Variants in MCM2 observed in about 807,000 individuals in gnomAD.
The protein encoded by MCM2 is minichromosome maintenance complex component 2.
Under a neutral mutation model 86.4 loss-of-function variants are expected in MCM2, and 49 were observed. The ratio of observed to expected loss-of-function variants is 0.57; its 90% CI spans 0.45 to 0.72. MCM2 has a LOEUF of 0.72. Ranked by LOEUF, MCM2 falls within the 30% of genes least tolerant of loss-of-function variation. The pLI, the probability that MCM2 is intolerant of heterozygous loss-of-function variation, is 0.00. For missense variants in MCM2, 1,038 were observed against 1,259.9 expected (o/e 0.82, Z 2.67); for synonymous variants, 475 against 484.6 (o/e 0.98, Z 0.26).
At chr3:127,613,133 G>A (rs940540697) in intron 8 of MCM2, among the ~76,000 whole-genome samples, 24 of 152,218 alleles carry the variant, frequency 1.6e-4, no homozygotes, top group African/African-American at 5.5e-4. Context: ...CCTGGATGCA[G>A]TGGTTGCTTT....
chr3:127,614,217 GTTT>G (rs1166193122), intron 8 of MCM2, among the ~76,000 whole-genome samples: 1 of 152,012 alleles, frequency 6.6e-6, no homozygotes, highest in Non-Finnish European at 1.5e-5. Context: ...CAGGCATGCC[GTTT>G]TTTTCTGTAA....
chr3:127,619,086 G>C lies in MCM2; in HGVS notation c.2073G>C (p.Lys691Asn). Reference protein sequence around the residue: ...GSHVRHHPSNKEEEGLANGSA... With the variant: ...GSHVRHHPSNNEEEGLANGSA... ...ACGTCAGACACCACCCCAGCAACAA[G>C]GAGGAGGAGGGGCTGGCCAATGGCA... The change falls in exon 13 of 16, where the codon AAG becomes AAC. Residue 691 changes from lysine (K) to asparagine (N), a missense_variant. Transcript: ENST00000265056. The C allele has an allele frequency of 1.2e-6, 2 of 1,611,916 alleles. No homozygotes were observed. The highest frequency in any genetic ancestry group is 2.7e-5 in the African/African-American group (2 of 75,010).
chr3:127,604,059 A>G (rs9877390), intron 2 of MCM2, among the ~76,000 whole-genome samples: 4,488 of 152,252 alleles, frequency 0.029, 235 homozygotes, highest in African/African-American at 0.095. Flanking sequence ...AAAGTGCTGG[A>G]ATTATAGGCA....
chr3:127,609,023 G>A lies in MCM2; in HGVS notation c.1428G>A (p.Lys476=). 1 of 1,613,736 alleles carries A rather than the reference G, an allele frequency of 6.2e-7. No individual in the cohort carries two copies. Among genetic ancestry groups the A allele is most frequent in the Non-Finnish European group, 8.5e-7 (1 of 1,179,964 alleles). ...SLSKDQQIGE[K]IFASIAPSIY... Reference sequence around the variant, plus strand: ...CCAAGGATCAGCAGATCGGAGAGAAGGTAGGTGGAAGGCAGGGGCAGGGGC... The same window carrying A: ...CCAAGGATCAGCAGATCGGAGAGAAAGTAGGTGGAAGGCAGGGGCAGGGGC... Residue 476 remains lysine, a splice_region_variant and synonymous_variant, in exon 8 of 16, where the codon AAG becomes AAA. Coordinates refer to ENST00000265056, the MANE Select transcript of MCM2 (RefSeq NM_004526.4).
In MCM2 at chr3:127,617,507, AG is replaced by A; in HGVS notation, c.1900+103del. On this transcript the variant is annotated intron_variant, in intron 11 of 15. Coordinates refer to ENST00000265056, the MANE Select transcript of MCM2 (RefSeq NM_004526.4). The surrounding 1 kb of genome is among the most constrained non-coding windows in gnomAD (Gnocchi z 4.1). ...GGGTCCCCAGGAGCCGATCTGAGGAAGTCATTGTGCAGCAGAGGGTTCCCCT... is the reference window on the plus strand; with the variant it reads ...GGGTCCCCAGGAGCCGATCTGAGGAATCATTGTGCAGCAGAGGGTTCCCCT... The A allele has an allele frequency of 7.1e-7, 1 of 1,412,300 alleles. No homozygotes were observed. 87.5% of individuals were successfully genotyped at this position (1,412,300 alleles called of 1,614,324 possible). A position where few individuals can be genotyped will look rare whatever the true frequency, so the allele number is the denominator to read the frequency against.
At chr3:127,619,818 A>G (rs1021407580) in intron 13 of MCM2, among the ~76,000 whole-genome samples, 1 of 152,122 alleles carries the variant, frequency 6.6e-6, no homozygotes, top group African/African-American at 2.4e-5. Flanking sequence ...TTTCTCTACA[A>G]AAAATGTTTT....
At chr3:127,603,652 A>G (rs2074322296) in intron 2 of MCM2, among the ~76,000 whole-genome samples, 1 of 142,498 alleles carries the variant, frequency 7.0e-6, no homozygotes, top group African/African-American at 2.6e-5. Flanking sequence ...GGCCTGGGTT[A>G]TTTTTTTTTT....
chr3:127,617,765 A>G lies in MCM2; in HGVS notation c.1901-204A>G. On this transcript the variant is annotated intron_variant, in intron 11 of 15. Coordinates refer to ENST00000265056, the MANE Select transcript of MCM2 (RefSeq NM_004526.4). The surrounding 1 kb of genome is among the most constrained non-coding windows in gnomAD (Gnocchi z 4.1). ...TCTTGGTTTTTCCTCCTGGGGAAGCAGTTATGCTTTCTGTCTAAATTAGGC... is the reference window on the plus strand; with the variant it reads ...TCTTGGTTTTTCCTCCTGGGGAAGCGGTTATGCTTTCTGTCTAAATTAGGC... 1 of 593,656 alleles carries G rather than the reference A, an allele frequency of 1.7e-6. No homozygotes were observed. The highest frequency in any genetic ancestry group is 2.8e-5 in the East Asian group (1 of 35,462). 36.8% of individuals were successfully genotyped at this position (593,656 alleles called of 1,614,324 possible). A position where few individuals can be genotyped will look rare whatever the true frequency, so the allele number is the denominator to read the frequency against.
intron 4 of MCM2, among the ~76,000 whole-genome samples, chr3:127,605,869 T>G (rs1224123433): frequency 6.6e-6 from 1 of 152,240 alleles, no homozygotes; most frequent in Non-Finnish European, 1.5e-5. Context: ...GTGTAGGCAC[T>G]CTGCTCATAT....
In MCM2 at chr3:127,618,958, T is replaced by G; in HGVS notation, c.2014-69T>G. On this transcript the variant is annotated intron_variant, in intron 12 of 15. Transcript: ENST00000265056. This position sits in a 1 kb window ranked among gnomAD's most constrained non-coding sequence, Gnocchi z 4.0. ...CCTTGTAGGGCACACTCAGCCCTTC[T>G]CCAGCCACTGACCTCCCCAAAGCCA... 6.8e-7 allele frequency: 1 copy of G among 1,471,322 alleles called. No homozygotes were observed. The highest frequency in any genetic ancestry group is 9.0e-7 in the Non-Finnish European group (1 of 1,105,292). 91.1% of individuals were successfully genotyped at this position (1,471,322 alleles called of 1,614,324 possible). A position where few individuals can be genotyped will look rare whatever the true frequency, so the allele number is the denominator to read the frequency against.
At chr3:127,604,843 G>T (rs1265182982) in intron 3 of MCM2, 53 bp from the exon 4 acceptor site, 2 of 1,576,410 alleles carry the variant, frequency 1.3e-6, no homozygotes, top group East Asian at 2.3e-5. Context: ...TCTGGGAGGG[G>T]AGTAGAAGGT....
intron 8 of MCM2, among the ~76,000 whole-genome samples, chr3:127,614,858 T>C (rs1438443809): frequency 6.6e-6 from 1 of 152,144 alleles, no homozygotes; most frequent in Non-Finnish European, 1.5e-5. Context: ...TGTCTTTGAG[T>C]GATTTTTTGC....
intron 6 of MCM2, among the ~76,000 whole-genome samples, chr3:127,607,493 C>T (rs1576414409): frequency 1.3e-5 from 2 of 152,190 alleles, no homozygotes; most frequent in African/African-American, 4.8e-5. Flanking sequence ...CAGAAAATGC[C>T]TCAGAGGTTC....
At chr3:127,602,812 G>A (rs924296649) in intron 2 of MCM2, among the ~76,000 whole-genome samples, 1 of 152,196 alleles carries the variant, frequency 6.6e-6, no homozygotes, top group Non-Finnish European at 1.5e-5. Flanking sequence ...TCAGGTTGTT[G>A]AAGGCGGCAT....
chr3:127,602,073 T>G (rs1028269541), intron 2 of MCM2, among the ~76,000 whole-genome samples: 2 of 152,204 alleles, frequency 1.3e-5, no homozygotes, highest in Non-Finnish European at 2.9e-5. Flanking sequence ...TTGCAGTTAT[T>G]TTCTCCTCAA....
Position 127,606,861 on chromosome 3 carries a change from G to T in MCM2, c.1101+44G>T, listed in dbSNP as rs767509805. Reference sequence around the variant, plus strand: ...TCTGCTGCCAGCTGTCCTTAGGGGTGCCCAGTATGCAGGACCTGACTGGCC... The same window carrying T: ...TCTGCTGCCAGCTGTCCTTAGGGGTTCCCAGTATGCAGGACCTGACTGGCC... On this transcript the variant is annotated intron_variant, in intron 6 of 15. Transcript: ENST00000265056. The surrounding 1 kb of genome is among the most constrained non-coding windows in gnomAD (Gnocchi z 4.2). 3.1e-6 allele frequency: 5 copies of T among 1,591,902 alleles called. No individual in the cohort carries two copies. The highest frequency in any genetic ancestry group is 4.3e-6 in the Non-Finnish European group (5 of 1,160,576).
At position 127,605,089 on chromosome 3, in the gene MCM2, CCTGCGCA is replaced by C; in HGVS notation, c.609_615del (p.Arg204ThrfsTer27). The stretch of plus-strand genomic sequence containing the variant: ...AGATCCACCACCGCTTCAAGAACTT[CCTGCGCA>C]CTCACGTCGACAGCCACGGCCACAA... On this transcript the variant is annotated frameshift_variant, in exon 4 of 16. Transcript: ENST00000265056. LOFTEE classifies it high-confidence loss of function. 1 of 1,614,026 alleles carries C rather than the reference CCTGCGCA, an allele frequency of 6.2e-7. No homozygotes were observed. Among genetic ancestry groups the C allele is most frequent in the Non-Finnish European group, 8.5e-7 (1 of 1,180,016 alleles).
intron 2 of MCM2, among the ~76,000 whole-genome samples, chr3:127,603,031 G>A (rs1233281629): frequency 7.0e-6 from 1 of 143,768 alleles, no homozygotes; most frequent in African/African-American, 2.6e-5. Context: ...TTTTTTTTTT[G>A]AGACAGAGTC....
In MCM2 at chr3:127,620,706, C is replaced by T. The variant is rs149009392; in HGVS notation, c.2274C>T (p.Gly758=). 13 of 1,591,238 alleles carry T rather than the reference C, an allele frequency of 8.2e-6. No homozygotes were observed. The highest frequency in any genetic ancestry group is 1.3e-5 in the African/African-American group (1 of 74,312). The change falls in exon 14 of 16, where the codon GGC becomes GGT. Residue 758 remains glycine (G), a synonymous_variant. Transcript: ENST00000265056. ...ACTGTGCTTCTCTCCAGGCGACAGG[C>T]AGCATCCCCATTACGGTGCGGCACA... ...SDLRKESMAT[G]SIPITVRHIE...
Sources: gnomAD v4.1 joint callset for allele counts (sites outside exome capture counted in the v4.1 genomes callset) on GRCh38, gnomAD v4.1.1 for gene constraint, Gnocchi (gnomAD v3.1) non-coding constraint, MANE v1.5 for transcripts, NCBI Gene and HGNC (gene_info 2026-07-23, HGNC 2026-07-21) for gene names.